The following PTPRM variants were observed in gnomAD, a reference collection of about 807,000 sequenced individuals.
The protein encoded by PTPRM is protein tyrosine phosphatase receptor type M.
PTPRM carries 47 observed loss-of-function variants against 186.7 expected under a neutral mutation model. The observed-to-expected ratio is 0.25, with a 90% CI of 0.20 to 0.32. The LOEUF (loss-of-function observed/expected upper bound fraction) is 0.32. Among genes scored for constraint, PTPRM ranks in the 10% least tolerant of loss-of-function variants. PTPRM has a pLI of 1.00. For synonymous variants in PTPRM, 668 were observed against 674.9 expected (o/e 0.99, Z 0.16); for missense variants, 1,494 against 1,865.0 (o/e 0.80, Z 3.66).
intron 19 of PTPRM, among the ~76,000 whole-genome samples, chr18:8,284,839 A>G (rs1324658654): frequency 1.3e-5 from 2 of 152,240 alleles, no homozygotes; most frequent in Non-Finnish European, 2.9e-5. Flanking sequence ...ATTTATTTAA[A>G]ACTAGATATA....
intron 14 of PTPRM, among the ~76,000 whole-genome samples, chr18:8,238,901 G>A (rs1370587129): frequency 2.6e-5 from 4 of 151,346 alleles, no homozygotes; most frequent in African/African-American, 9.7e-5. Flanking sequence ...ACGTGGGATG[G>A]AGTTGTATTT....
intron 9 of PTPRM, among the ~76,000 whole-genome samples, chr18:8,083,676 C>T (rs2090274910): frequency 6.6e-6 from 1 of 152,266 alleles, no homozygotes; most frequent in East Asian, 1.9e-4. Context: ...CGTGTATTTA[C>T]CTGCTGGCCA....
intron 14 of PTPRM, among the ~76,000 whole-genome samples, chr18:8,196,365 C>G (rs1219954513): frequency 6.6e-6 from 1 of 152,168 alleles, no homozygotes; most frequent in African/African-American, 2.4e-5. Flanking sequence ...TTCCTTAGTG[C>G]TATTACTGTT....
chr18:7,818,131 G>A (rs916337972), intron 2 of PTPRM, among the ~76,000 whole-genome samples: 2 of 152,092 alleles, frequency 1.3e-5, no homozygotes, highest in African/African-American at 4.8e-5. Context: ...TTAGAGTTGT[G>A]TGGGAAAAAT....
At chr18:7,786,969 A>C (rs990559514) in intron 2 of PTPRM, among the ~76,000 whole-genome samples, 27 of 152,236 alleles carry the variant, frequency 1.8e-4, no homozygotes, top group Admixed American at 1.4e-3. Flanking sequence ...AGAAATGTTA[A>C]TTTATTTGAA....
chr18:8,108,836 G>A lies in PTPRM; in HGVS notation c.1857-4650G>A, dbSNP rs150045352. On this transcript the variant is annotated intron_variant, in intron 11 of 32. Coordinates refer to ENST00000580170, the MANE Select transcript of PTPRM (RefSeq NM_001105244.2). ...CACTGTGGATTGTGCTTTTAATATCGCACATGCAGTAGGAAGATTTGATGT... is the reference window on the plus strand; with the variant it reads ...CACTGTGGATTGTGCTTTTAATATCACACATGCAGTAGGAAGATTTGATGT... 1.1e-4 allele frequency among the ~76,000 whole-genome samples: 16 copies of A among 152,236 alleles called. No individual in the cohort carries two copies. In the East Asian group the frequency reaches 2.9e-3, roughly 28 times the overall value.
rs1555616949 is a variant in PTPRM at position 7,842,930 on chromosome 18, GTATA to G, written c.197-45161_197-45158del. Among the ~76,000 whole-genome samples, 34 of 100,934 alleles carry G rather than the reference GTATA, an allele frequency of 3.4e-4. 1 individual carries two copies. Among genetic ancestry groups the G allele is most frequent in the South Asian group, 2.4e-3 (7 of 2,928 alleles). 66.2% of individuals were successfully genotyped at this position (100,934 alleles called of 152,430 possible). On this transcript the variant is annotated intron_variant, in intron 2 of 32. Transcript: ENST00000580170. Reference sequence around the variant, plus strand: ...CTCATATGTGTGTGTGTGTGTGTGTGTATATATATATATATATAGAGAGAGAGAG... The same window carrying G: ...CTCATATGTGTGTGTGTGTGTGTGTGTATATATATATATAGAGAGAGAGAG...
chr18:8,370,010 G>A (rs1374054593), intron 23 of PTPRM, among the ~76,000 whole-genome samples: 1 of 152,042 alleles, frequency 6.6e-6, no homozygotes, highest in African/African-American at 2.4e-5. Context: ...TGGAGAAACA[G>A]GGCTAGAGTT....
At chr18:7,930,981 A>ATT (rs1484797450) in intron 5 of PTPRM, among the ~76,000 whole-genome samples, 1 of 152,074 alleles carries the variant, frequency 6.6e-6, no homozygotes, top group African/African-American at 2.4e-5. Context: ...ACTGAACAAT[A>ATT]GAATAAGACC....
intron 8 of PTPRM, among the ~76,000 whole-genome samples, chr18:8,071,319 A>G (rs1202853955): frequency 6.6e-6 from 1 of 151,996 alleles, no homozygotes; most frequent in African/African-American, 2.4e-5. Flanking sequence ...TGTTGTTTCT[A>G]CTTCCAAAGT....
intron 20 of PTPRM, among the ~76,000 whole-genome samples, chr18:8,304,914 T>G (rs1348933111): frequency 1.3e-5 from 2 of 151,942 alleles, no homozygotes; most frequent in Non-Finnish European, 2.9e-5. Flanking sequence ...TGTGGACCAT[T>G]AAAGTAGTAC....
At chr18:8,300,668 G>C (rs1438285953) in intron 20 of PTPRM, among the ~76,000 whole-genome samples, 1 of 152,120 alleles carries the variant, frequency 6.6e-6, no homozygotes. Context: ...GCGGTGGGCT[G>C]TCATTTACCC....
intron 14 of PTPRM, among the ~76,000 whole-genome samples, chr18:8,234,828 A>G (rs2094325927): frequency 1.3e-5 from 2 of 152,104 alleles, no homozygotes; most frequent in South Asian, 2.1e-4. Flanking sequence ...CTTTTTCTGC[A>G]TCTATTAATA....
At chr18:8,050,373 G>A (rs1306746913) in intron 7 of PTPRM, among the ~76,000 whole-genome samples, 1 of 152,086 alleles carries the variant, frequency 6.6e-6, no homozygotes, top group Non-Finnish European at 1.5e-5. Context: ...GTGGCTGGAG[G>A]GACAGATAAG....
At chr18:7,719,700 G>C (rs866400156) in intron 1 of PTPRM, among the ~76,000 whole-genome samples, 37 of 152,222 alleles carry the variant, frequency 2.4e-4, no homozygotes, top group Middle Eastern at 3.4e-3. Flanking sequence ...ACAAGGCAAG[G>C]ATCCCACTGT....
intron 7 of PTPRM, among the ~76,000 whole-genome samples, chr18:7,962,860 T>C (rs1364623709): frequency 6.6e-6 from 1 of 152,252 alleles, no homozygotes; most frequent in African/African-American, 2.4e-5. Context: ...GCAATAAGTA[T>C]CTGGACTTAC....
chr18:8,116,412 AG>A (rs1357986340), intron 13 of PTPRM, among the ~76,000 whole-genome samples: 1 of 152,218 alleles, frequency 6.6e-6, no homozygotes, highest in Non-Finnish European at 1.5e-5. Context: ...GATGAGGAAA[AG>A]GTGTATTTTT....
chr18:8,272,469 C>T (rs1410300964), intron 19 of PTPRM, among the ~76,000 whole-genome samples: 4 of 151,898 alleles, frequency 2.6e-5, no homozygotes, highest in Non-Finnish European at 5.9e-5. Flanking sequence ...CTAAGTAACA[C>T]TTGCCCTGCA....
chr18:7,669,629 T>C (rs1188144671), intron 1 of PTPRM, among the ~76,000 whole-genome samples: 2 of 152,238 alleles, frequency 1.3e-5, no homozygotes, highest in Admixed American at 1.3e-4. Flanking sequence ...CTGAATCTTT[T>C]GTTTCAGTAA....
Sources: gnomAD v4.1 joint callset for allele counts (sites outside exome capture counted in the v4.1 genomes callset) on GRCh38, gnomAD v4.1.1 for gene constraint, MANE v1.5 for transcripts, NCBI Gene and HGNC (gene_info 2026-07-23, HGNC 2026-07-21) for gene names.